Variants in SDK1 observed in about 807,000 individuals in gnomAD.
SDK1 encodes the protein sidekick cell adhesion molecule 1.
In SDK1, 157 loss-of-function variants were observed where a neutral mutation model predicts 245.5. That is an observed-to-expected ratio of 0.64 (90% CI 0.56 to 0.73). SDK1 has a LOEUF of 0.73. Among genes scored for constraint, SDK1 ranks in the 30% least tolerant of loss-of-function variants. The pLI is 0.00. For missense variants in SDK1, 3,583 were observed against 3,002.3 expected (o/e 1.19, Z -4.52); for synonymous variants, 1,647 against 1,278.5 (o/e 1.29, Z -6.15).
chr7:4,123,196 G>A (rs1393037858), intron 25 of SDK1, among the ~76,000 whole-genome samples: 1 of 152,238 alleles, frequency 6.6e-6, no homozygotes, highest in Non-Finnish European at 1.5e-5. Context: ...GACCATTTGT[G>A]TTGCTATGAC....
At chr7:4,106,464 T>G (rs1782917241) in intron 22 of SDK1, among the ~76,000 whole-genome samples, 1 of 151,868 alleles carries the variant, frequency 6.6e-6, no homozygotes, top group African/African-American at 2.4e-5. Flanking sequence ...CCACCACGCC[T>G]TTTTTGTATT....
chr7:3,773,156 T>G (rs1032042553), intron 4 of SDK1, among the ~76,000 whole-genome samples: 1 of 152,226 alleles, frequency 6.6e-6, no homozygotes, highest in African/African-American at 2.4e-5. Flanking sequence ...CTCTTCTTTT[T>G]CTAGGACTCC....
At position 4,190,636 on chromosome 7, in the gene SDK1, C is replaced by T. The variant is rs548864052; in HGVS notation, c.5098+12050C>T. 1.4e-4 allele frequency among the ~76,000 whole-genome samples: 22 copies of T among 152,374 alleles called. No homozygotes were observed. In the South Asian group the frequency reaches 3.3e-3, roughly 23 times the overall value. On this transcript the variant is annotated intron_variant, in intron 35 of 44. Coordinates refer to ENST00000404826, the MANE Select transcript of SDK1 (RefSeq NM_152744.4). Reference sequence around the variant, plus strand: ...GGGGGATTCTCCAATGCGCTGCACCCGGCCCACAGCAGGCTGTGCACAGGC... The same window carrying T: ...GGGGGATTCTCCAATGCGCTGCACCTGGCCCACAGCAGGCTGTGCACAGGC...
At chr7:3,377,410 A>G (rs1287619825) in intron 1 of SDK1, among the ~76,000 whole-genome samples, 1 of 152,108 alleles carries the variant, frequency 6.6e-6, no homozygotes, top group African/African-American at 2.4e-5. Flanking sequence ...TGGAGGATGG[A>G]CTGCAGGCTC....
At chr7:3,599,068 C>T (rs910198486) in intron 1 of SDK1, among the ~76,000 whole-genome samples, 8 of 150,264 alleles carry the variant, frequency 5.3e-5, no homozygotes, top group African/African-American at 2.0e-4. Flanking sequence ...GTGTAGCCAC[C>T]AGCAATGTGG....
chr7:3,776,718 T>C (rs1780575909), intron 4 of SDK1, among the ~76,000 whole-genome samples: 1 of 151,906 alleles, frequency 6.6e-6, no homozygotes, highest in Non-Finnish European at 1.5e-5. Flanking sequence ...TTTTTTTTTT[T>C]CTGGAAGAAA....
intron 5 of SDK1, among the ~76,000 whole-genome samples, chr7:3,927,013 C>T (rs912636423): frequency 5.9e-5 from 9 of 152,204 alleles, no homozygotes; most frequent in Non-Finnish European, 1.2e-4. Flanking sequence ...ATGCCTCCAC[C>T]GCGCTCTCAG....
intron 1 of SDK1, among the ~76,000 whole-genome samples, chr7:3,525,705 T>A (rs1783105298): frequency 6.6e-6 from 1 of 152,156 alleles, no homozygotes; most frequent in Non-Finnish European, 1.5e-5. Flanking sequence ...AATTTAGAGT[T>A]GATTTTCCAA....
chr7:3,670,955 C>G (rs888930159), intron 4 of SDK1, among the ~76,000 whole-genome samples: 1 of 152,172 alleles, frequency 6.6e-6, no homozygotes, highest in African/African-American at 2.4e-5. Context: ...ATTATTTGTT[C>G]TTACAGCACA....
At chr7:3,807,221 G>T (rs1469160226) in intron 4 of SDK1, among the ~76,000 whole-genome samples, 2 of 152,144 alleles carry the variant, frequency 1.3e-5, no homozygotes, top group Non-Finnish European at 2.9e-5. Context: ...TTATTAGCGG[G>T]ACTGACAGCT....
At chr7:4,201,544 C>G (rs541953042) in intron 35 of SDK1, among the ~76,000 whole-genome samples, 1 of 152,174 alleles carries the variant, frequency 6.6e-6, no homozygotes, top group African/African-American at 2.4e-5. Context: ...TTGCTTTACC[C>G]AAACAGTCAG....
chr7:4,123,511 C>T (rs77069119), intron 25 of SDK1, among the ~76,000 whole-genome samples: 5,512 of 152,240 alleles, frequency 0.036, 250 homozygotes, highest in African/African-American at 0.1. Context: ...GGTGGAGCCA[C>T]AGCTGGAAGG....
At chr7:3,522,593 A>G (rs1782979183) in intron 1 of SDK1, among the ~76,000 whole-genome samples, 2 of 152,034 alleles carry the variant, frequency 1.3e-5, no homozygotes, top group African/African-American at 4.8e-5. Flanking sequence ...TATGTTTATT[A>G]AATCAGGGAT....
At chr7:3,506,839 T>G (rs1376528607) in intron 1 of SDK1, among the ~76,000 whole-genome samples, 1 of 152,226 alleles carries the variant, frequency 6.6e-6, no homozygotes, top group Non-Finnish European at 1.5e-5. Flanking sequence ...GTCTTGTTTT[T>G]TTTTTTAAAT....
chr7:3,863,437 G>A (rs995837984), intron 5 of SDK1, among the ~76,000 whole-genome samples: 1 of 152,110 alleles, frequency 6.6e-6, no homozygotes, highest in African/African-American at 2.4e-5. Context: ...TTGCATAAAT[G>A]TTACCATTTT....
intron 13 of SDK1, among the ~76,000 whole-genome samples, chr7:3,975,194 G>A (rs1482138959): frequency 6.6e-6 from 1 of 152,146 alleles, no homozygotes; most frequent in African/African-American, 2.4e-5. Context: ...AATACCTGCT[G>A]ACACATTTTA....
At chr7:3,913,714 G>A (rs1779267448) in intron 5 of SDK1, among the ~76,000 whole-genome samples, 2 of 152,148 alleles carry the variant, frequency 1.3e-5, no homozygotes, top group African/African-American at 4.8e-5. Flanking sequence ...ATGTTCACCA[G>A]TGGTTTATTG....
chr7:4,139,715 GTGTGTA>G (rs1562872914), intron 28 of SDK1, among the ~76,000 whole-genome samples: 12 of 39,046 alleles, frequency 3.1e-4, no homozygotes, highest in Non-Finnish European at 4.9e-4. Flanking sequence ...ATGTGTGTGT[GTGTGTA>G]TGTGTGTGTG....
At chr7:4,177,104 C>A (rs1193193051) in intron 34 of SDK1, among the ~76,000 whole-genome samples, 3 of 152,226 alleles carry the variant, frequency 2.0e-5, no homozygotes, top group African/African-American at 7.2e-5. Context: ...ATTTGCAGGG[C>A]AGCACAGCTC....
Sources: gnomAD v4.1 joint callset for allele counts (sites outside exome capture counted in the v4.1 genomes callset) on GRCh38, gnomAD v4.1.1 for gene constraint, MANE v1.5 for transcripts, NCBI Gene and HGNC (gene_info 2026-07-23, HGNC 2026-07-21) for gene names.